Variants in SEZ6L2 observed in about 807,000 individuals in gnomAD.
SEZ6L2 encodes seizure 6-like protein 2.
SEZ6L2 carries 44 observed loss-of-function variants against 97.0 expected under a neutral mutation model. The observed-to-expected ratio is 0.45, with a 90% confidence interval of 0.36 to 0.58. The LOEUF is 0.58. Among genes scored for constraint, SEZ6L2 ranks in the 20% least tolerant of loss-of-function variants. The pLI is 0.00. For synonymous variants in SEZ6L2, 543 were observed against 546.1 expected (o/e 0.99, Z 0.08); for missense variants, 1,086 against 1,233.3 (o/e 0.88, Z 1.79).
intron 12 of SEZ6L2, among the ~76,000 whole-genome samples, chr16:29,874,633 G>A (rs1203743842): frequency 7.4e-6 from 1 of 135,802 alleles, no homozygotes; most frequent in Non-Finnish European, 1.5e-5. Flanking sequence ...GTGCAGTGGC[G>A]CATCTCGGCT....
In SEZ6L2 at chr16:29,871,649, G is replaced by A. The variant is rs377380858; in HGVS notation, c.*50C>T. ...CCGGGTCCCGTATTTCCCTCTGCCC[G>A]AATGAGGAGGGGAGGGGCGTCCTGG... On this transcript the variant is annotated 3_prime_UTR_variant, in exon 18 of 18. Coordinates refer to ENST00000617533, the MANE Select transcript of SEZ6L2 (RefSeq NM_001243332.2). The A allele has an allele frequency of 4.5e-5, 71 of 1,582,404 alleles. No homozygotes were observed. In the Middle Eastern group the frequency reaches 5.0e-4, roughly 11 times the overall value.
intron 5 of SEZ6L2, among the ~76,000 whole-genome samples, chr16:29,894,376 T>C (rs1200581646): frequency 1.3e-5 from 2 of 152,166 alleles, no homozygotes; most frequent in African/African-American, 2.4e-5. Context: ...CTCTGGGTCT[T>C]GGAGTGTGCT....
At chr16:29,880,831 A>G (rs1031474969) in intron 8 of SEZ6L2, among the ~76,000 whole-genome samples, 1 of 151,872 alleles carries the variant, frequency 6.6e-6, no homozygotes, top group Non-Finnish European at 1.5e-5. Context: ...GTGTGATCAC[A>G]GCTCATTGCA....
intron 11 of SEZ6L2, 93 bp downstream of exon 11, chr16:29,877,178 G>A: frequency 7.3e-7 from 1 of 1,365,004 alleles, no homozygotes; most frequent in Non-Finnish European, 9.8e-7. Context: ...CCAAGGCCCC[G>A]GGATAACAGG....
intron 10 of SEZ6L2, 43 bp from the exon 11 acceptor site, chr16:29,877,510 G>A (rs1567413137): frequency 6.6e-7 from 1 of 1,523,044 alleles, no homozygotes; most frequent in East Asian, 2.3e-5. Context: ...GCTGCGACTG[G>A]CCCCTCCCAT....
intron 6 of SEZ6L2, among the ~76,000 whole-genome samples, chr16:29,888,076 CA>C (rs1459256630): frequency 4.6e-5 from 7 of 152,202 alleles, no homozygotes; most frequent in Admixed American, 3.9e-4. Context: ...GAAGACTCTC[CA>C]ACTGCGGATA....
chr16:29,876,033 G>A lies in SEZ6L2; in HGVS notation c.2104+723C>T, dbSNP rs1276386347. ...CCCACTGCTCTCCCCACAGCACTTCGCCACGCCCAGGGCAGCATGCGCCCT... is the reference window on the plus strand; with the variant it reads ...CCCACTGCTCTCCCCACAGCACTTCACCACGCCCAGGGCAGCATGCGCCCT... On this transcript the variant is annotated intron_variant, in intron 12 of 17. Coordinates refer to ENST00000617533, the MANE Select transcript of SEZ6L2 (RefSeq NM_001243332.2). This position sits in a 1 kb window ranked among gnomAD's most constrained non-coding sequence, Gnocchi z 6.5. Among the ~76,000 whole-genome samples the A allele has an allele frequency of 1.3e-5, 2 of 151,890 alleles. No homozygotes were observed. Among genetic ancestry groups the A allele is most frequent in the Non-Finnish European group, 2.9e-5 (2 of 67,984 alleles).
intron 6 of SEZ6L2, among the ~76,000 whole-genome samples, chr16:29,888,199 G>C (rs752453032): frequency 1.3e-5 from 2 of 152,066 alleles, no homozygotes; most frequent in African/African-American, 2.4e-5. Context: ...CCAGTAAGAG[G>C]CTCTCTAGGA....
At chr16:29,879,171 G>A (rs1227832735) in intron 9 of SEZ6L2, among the ~76,000 whole-genome samples, 9 of 151,858 alleles carry the variant, frequency 5.9e-5, no homozygotes, top group Admixed American at 5.9e-4. Flanking sequence ...CCAGAGTGTT[G>A]GGATTACAGG....
At chr16:29,898,087 T>C in intron 1 of SEZ6L2, 103 bp from the exon 2 acceptor site, 1 of 1,527,448 alleles carries the variant, frequency 6.5e-7, no homozygotes, top group Non-Finnish European at 8.8e-7. Context: ...CAGCTGGGCC[T>C]GCAGGGGCTC....
intron 2 of SEZ6L2, among the ~76,000 whole-genome samples, 168 bp from the exon 3 acceptor site, chr16:29,897,289 C>T (rs1482019109): frequency 6.7e-6 from 1 of 149,156 alleles, no homozygotes; most frequent in Admixed American, 6.7e-5. Context: ...CCTACCTCCT[C>T]CCAAGGCTTC....
intron 8 of SEZ6L2, among the ~76,000 whole-genome samples, chr16:29,882,593 A>C (rs2068053530): frequency 6.7e-6 from 1 of 148,980 alleles, no homozygotes; most frequent in East Asian, 2.0e-4. Flanking sequence ...AAAAAAAAAA[A>C]GGAAAAAAAT....
In SEZ6L2 at chr16:29,899,110, GTTTTTTTTTTT is replaced by G. The variant is rs556364210; in HGVS notation, c.-102_-92del. The G allele has an allele frequency of 1.6e-5, 8 of 501,646 alleles. No individual in the cohort carries two copies. The highest frequency in any genetic ancestry group is 4.2e-5 in the Admixed American group (1 of 23,784). The allele number at this position is 501,646 out of a possible 1,614,324, so 31.1% of individuals were successfully genotyped here. A position where few individuals can be genotyped will look rare whatever the true frequency, so the allele number is the denominator to read the frequency against. On this transcript the variant is annotated 5_prime_UTR_variant, in exon 1 of 18. Transcript: ENST00000617533. ...TCTCCGTTTATCTTTCCCTTTAATT[GTTTTTTTTTTT>G]TTTTTTTTTTTCCTCGTAGGAGTCA...
intron 12 of SEZ6L2, among the ~76,000 whole-genome samples, chr16:29,874,143 A>G (rs1240977367): frequency 6.6e-6 from 1 of 152,194 alleles, no homozygotes; most frequent in Non-Finnish European, 1.5e-5. Flanking sequence ...TTCAGGCCAG[A>G]ATGACAGGCT....
intron 8 of SEZ6L2, among the ~76,000 whole-genome samples, chr16:29,881,677 G>T (rs2068033738): frequency 7.2e-6 from 1 of 139,306 alleles, no homozygotes; most frequent in Non-Finnish European, 1.5e-5. Context: ...GCCCAGGCTG[G>T]AGTGCAATGG....
chr16:29,873,131 C>T lies in SEZ6L2; in HGVS notation c.2488+109G>A, dbSNP rs1176740947. On this transcript the variant is annotated intron_variant, in intron 14 of 17. Transcript: ENST00000617533. This position sits in a 1 kb window ranked among gnomAD's most constrained non-coding sequence, Gnocchi z 4.3. ...GGACACGAGGCCACAGGAGGAGAACCGGGAGCTCTGTGGGGTCGCCCATTG... is the reference window on the plus strand; with the variant it reads ...GGACACGAGGCCACAGGAGGAGAACTGGGAGCTCTGTGGGGTCGCCCATTG... 6 of 1,258,748 alleles carry T rather than the reference C, an allele frequency of 4.8e-6. No individual in the cohort carries two copies. The highest frequency in any genetic ancestry group is 2.3e-4 in the Middle Eastern group (1 of 4,270). The allele number at this position is 1,258,748 out of a possible 1,614,324, so 78.0% of individuals were successfully genotyped here. A position where few individuals can be genotyped will look rare whatever the true frequency, so the allele number is the denominator to read the frequency against.
At chr16:29,883,727 T>A (rs531287822) in intron 8 of SEZ6L2, among the ~76,000 whole-genome samples, 1 of 152,064 alleles carries the variant, frequency 6.6e-6, no homozygotes, top group Admixed American at 6.6e-5. Context: ...AGCTCAGTAG[T>A]TGGAGACCAG....
intron 17 of SEZ6L2, 145 bp from the exon 18 acceptor site, chr16:29,871,873 C>A: frequency 1.3e-6 from 1 of 766,796 alleles, no homozygotes; most frequent in South Asian, 1.5e-5. Context: ...TTGGTTCATC[C>A]TACGGTGTCG....
Position 29,888,623 on chromosome 16 carries a change from C to A in SEZ6L2, c.956G>T (p.Gly319Val). The change falls in exon 6 of 18, where the codon GGC becomes GTC. Residue 319 changes from glycine to valine, a missense_variant. Around this residue, in one of 2 missense-constraint regions of SEZ6L2, gnomAD observed 776 missense variants for 794.7 expected, o/e 0.98. Coordinates refer to ENST00000617533, the MANE Select transcript of SEZ6L2 (RefSeq NM_001243332.2). Reference protein sequence around the residue: ...GGTATFHCDSGYQLQGEETLI... With the variant: ...GGTATFHCDSVYQLQGEETLI... ...GGTCTCCTCTCCCTGCAGCTGGTAG[C>A]CCGAATCACAGTGAAAGGTGGCAGT... 1.2e-6 allele frequency: 2 copies of A among 1,614,094 alleles called. No homozygotes were observed. The highest frequency in any genetic ancestry group is 1.7e-6 in the Non-Finnish European group (2 of 1,179,994).
Sources: allele counts gnomAD v4.1 joint callset (sites outside exome capture counted in the v4.1 genomes callset), GRCh38; gene constraint gnomAD v4.1.1; regional missense constraint gnomAD v4.1.1; non-coding constraint Gnocchi (gnomAD v3.1); transcripts MANE v1.5; gene names NCBI Gene and HGNC (gene_info 2026-07-23, HGNC 2026-07-21).